Variants in NR3C1 observed in about 807,000 individuals in gnomAD.
NR3C1 encodes nuclear receptor subfamily 3 group C member 1.
Under a neutral mutation model 74.0 loss-of-function variants are expected in NR3C1, and 14 were observed. The observed-to-expected ratio is 0.19, with a 90% CI of 0.12 to 0.30. NR3C1 has a LOEUF of 0.30. Ranked by LOEUF, NR3C1 falls within the 10% of genes least tolerant of loss-of-function variation. The pLI is 1.00. For missense variants in NR3C1, 695 were observed against 909.8 expected (o/e 0.76, Z 3.04); for synonymous variants, 308 against 332.5 (o/e 0.93, Z 0.80).
chr5:143,338,582 TAAA>T (rs761343253), intron 2 of NR3C1, among the ~76,000 whole-genome samples: 17 of 152,118 alleles, frequency 1.1e-4, no homozygotes, highest in Non-Finnish European at 2.2e-4. Context: ...AAAAACATCT[TAAA>T]AATGGAAAAA....
intron 1 of NR3C1, among the ~76,000 whole-genome samples, chr5:143,413,116 G>A (rs1376450669): frequency 6.6e-6 from 1 of 152,172 alleles, no homozygotes; most frequent in Non-Finnish European, 1.5e-5. Context: ...CTTCTCTGGA[G>A]GAAATGGAGA....
intron 2 of NR3C1, among the ~76,000 whole-genome samples, chr5:143,390,397 T>C (rs1003854572): frequency 5.3e-5 from 8 of 152,212 alleles, no homozygotes; most frequent in African/African-American, 1.9e-4. Context: ...GGGAAATGTG[T>C]ATGAATGAGA....
chr5:143,334,725 GAA>G (rs141410226), intron 2 of NR3C1, among the ~76,000 whole-genome samples: 7 of 134,002 alleles, frequency 5.2e-5, no homozygotes, highest in Admixed American at 2.2e-4. Context: ...TCTCTGCTGT[GAA>G]AAAAAAAAAA....
intron 2 of NR3C1, among the ~76,000 whole-genome samples, chr5:143,328,273 C>T (rs905430569): frequency 1.3e-5 from 2 of 152,194 alleles, no homozygotes; most frequent in Admixed American, 6.5e-5. Context: ...GGCACCATGT[C>T]GTGAGGCTGT....
chr5:143,292,292 A>C (rs1816113406), intron 7 of NR3C1, among the ~76,000 whole-genome samples: 3 of 151,758 alleles, frequency 2.0e-5, no homozygotes, highest in African/African-American at 7.3e-5. Context: ...CCCTGTTTAT[A>C]TGGTGGTAAG....
chr5:143,314,161 T>C lies in NR3C1; in HGVS notation c.1192A>G (p.Met398Val), dbSNP rs551849295. 297 of 1,613,710 alleles carry C rather than the reference T, an allele frequency of 1.8e-4. 3 individuals carry two copies. The South Asian group carries it at 3.1e-3, about 17-fold the overall frequency. ...GGAGGAGAGCTTACATCTGGTCTCATGCTGGGGCTAAAGAAGGGGAAGAAC... is the reference window on the plus strand; with the variant it reads ...GGAGGAGAGCTTACATCTGGTCTCACGCTGGGGCTAAAGAAGGGGAAGAAC... ...VFSNGYSSPS[M>V]RPDVSSPPSS... Residue 398 changes from methionine (M) to valine (V), a missense_variant, in exon 3 of 9, where the codon ATG (methionine) becomes GTG (valine). This residue lies in a region of NR3C1 where 497 missense variants were observed against 489.5 expected (regional missense o/e 1.02). Transcript: ENST00000394464.
At chr5:143,377,198 T>A (rs951294764) in intron 2 of NR3C1, among the ~76,000 whole-genome samples, 1 of 152,158 alleles carries the variant, frequency 6.6e-6, no homozygotes, top group African/African-American at 2.4e-5. Flanking sequence ...TTTTTAACAA[T>A]CCACTAAAAC....
At chr5:143,298,534 C>T in intron 6 of NR3C1, 134 bp downstream of exon 6, 1 of 900,938 alleles carries the variant, frequency 1.1e-6, no homozygotes, top group Non-Finnish European at 1.8e-6. Context: ...ACTCTATTTC[C>T]AGTTTGCCTA....
At chr5:143,299,028 T>A (rs76866466) in intron 5 of NR3C1, among the ~76,000 whole-genome samples, 39 of 148,948 alleles carry the variant, frequency 2.6e-4, no homozygotes, top group Middle Eastern at 3.5e-3. Flanking sequence ...TTTTTTTTTT[T>A]AATTGAGACA....
intron 2 of NR3C1, among the ~76,000 whole-genome samples, chr5:143,344,710 T>C (rs902296626): frequency 3.9e-5 from 6 of 152,066 alleles, no homozygotes; most frequent in Non-Finnish European, 7.4e-5. Flanking sequence ...TTGTCTCTAC[T>C]AAAAATACAA....
intron 2 of NR3C1, among the ~76,000 whole-genome samples, chr5:143,352,607 T>G (rs1384475373): frequency 6.6e-6 from 1 of 152,248 alleles, no homozygotes; most frequent in Non-Finnish European, 1.5e-5. Flanking sequence ...AAGTGAATAT[T>G]GCAACAAAGC....
At chr5:143,319,490 A>G (rs898469150) in intron 2 of NR3C1, among the ~76,000 whole-genome samples, 2 of 152,212 alleles carry the variant, frequency 1.3e-5, no homozygotes, top group Non-Finnish European at 2.9e-5. Context: ...TAACTGGATT[A>G]ATTTTTTACA....
chr5:143,399,764 A>G lies in NR3C1; in HGVS notation c.1076T>C (p.Val359Ala), dbSNP rs763622005. ...GCACCTATTCCAATTTTCGGAACCA[A>G]CGGGAATTGGTGGAATGACATTAAA... ...PIFNVIPPIP[V>A]GSENWNRCQG... The change falls in exon 2 of 9, where the codon GTT becomes GCT. Residue 359 changes from valine to alanine, a missense_variant. Around this residue, in one of 4 missense-constraint regions of NR3C1, gnomAD observed 497 missense variants for 489.5 expected, o/e 1.02. Coordinates refer to ENST00000394464, the MANE Select transcript of NR3C1 (RefSeq NM_000176.3). The G allele has an allele frequency of 2.5e-6, 4 of 1,614,082 alleles. No individual in the cohort carries two copies. The African/African-American group carries it at 5.3e-5, about 22-fold the overall frequency.
chr5:143,298,793 C>G lies in NR3C1; in HGVS notation c.1767G>C (p.Leu589=). 6.2e-7 allele frequency: 1 copy of G among 1,613,528 alleles called. No homozygotes were observed. Among genetic ancestry groups the G allele is most frequent in the Non-Finnish European group, 8.5e-7 (1 of 1,179,796 alleles). ...ACTGCAGTAGGGTCATTTGGTCATC[C>G]AGGTGTAAGTTCCTGAAACCTGAAT... The part of the protein sequence containing the change: ...KAIPGFRNLH[L]DDQMTLLQYS... Residue 589 remains leucine, a synonymous_variant, in exon 6 of 9, where the codon CTG becomes CTC. Coordinates refer to ENST00000394464, the MANE Select transcript of NR3C1 (RefSeq NM_000176.3).
chr5:143,333,769 A>AAAAC lies in NR3C1; in HGVS notation c.1185-19605_1185-19602dup, dbSNP rs374779843. Among the ~76,000 whole-genome samples the AAAAC allele has an allele frequency of 6.9e-3, 1,046 of 152,194 alleles. 5 individuals carry two copies. The highest frequency in any genetic ancestry group is 0.016 in the African/African-American group (669 of 41,512). ...GCGACAGAGCGAGACTCCATCTCAA[A>AAAAC]AAACAAACAAACAAACAAACAAACA... On this transcript the variant is annotated intron_variant, in intron 2 of 8. Coordinates refer to ENST00000394464, the MANE Select transcript of NR3C1 (RefSeq NM_000176.3).
chr5:143,424,076 G>A (rs553641702), intron 1 of NR3C1, among the ~76,000 whole-genome samples: 2 of 90,538 alleles, frequency 2.2e-5, no homozygotes, highest in African/African-American at 4.0e-5. Context: ...GTGTGGGGAG[G>A]GGGGAGGGAT....
At chr5:143,345,203 A>G (rs1182332852) in intron 2 of NR3C1, among the ~76,000 whole-genome samples, 1 of 152,130 alleles carries the variant, frequency 6.6e-6, no homozygotes, top group African/African-American at 2.4e-5. Flanking sequence ...AAAATGAATG[A>G]ATACAAATTA....
At chr5:143,372,161 A>G (rs1402658756) in intron 2 of NR3C1, among the ~76,000 whole-genome samples, 1 of 152,184 alleles carries the variant, frequency 6.6e-6, no homozygotes, top group African/African-American at 2.4e-5. Flanking sequence ...TAAAAGATTC[A>G]TTCTTATCAT....
At chr5:143,297,656 C>T (rs555495969) in intron 6 of NR3C1, among the ~76,000 whole-genome samples, 2 of 152,170 alleles carry the variant, frequency 1.3e-5, no homozygotes, top group African/African-American at 4.8e-5. Context: ...ATTTTTTATT[C>T]TTCTTAGACC....
Sources: allele counts gnomAD v4.1 joint callset (sites outside exome capture counted in the v4.1 genomes callset), GRCh38; gene constraint gnomAD v4.1.1; regional missense constraint gnomAD v4.1.1; transcripts MANE v1.5; gene names NCBI Gene and HGNC (gene_info 2026-07-23, HGNC 2026-07-21).